Variants in RMDN2 observed in about 807,000 individuals in gnomAD.
RMDN2 encodes the protein regulator of microtubule dynamics protein 2.
Under a neutral mutation model 52.8 loss-of-function variants are expected in RMDN2, and 61 were observed. The observed-to-expected ratio is 1.16, with a 90% CI of 0.94 to 1.43. The LOEUF is 1.43. RMDN2 is among the 40% of genes most tolerant of loss of function. The pLI, the probability that RMDN2 is intolerant of heterozygous loss-of-function variation, is 0.00. For synonymous variants in RMDN2, 180 were observed against 153.1 expected (o/e 1.18, Z -1.30); for missense variants, 592 against 475.3 (o/e 1.25, Z -2.28).
intron 5 of RMDN2, among the ~76,000 whole-genome samples, chr2:37,982,211 A>G (rs1673412150): frequency 6.6e-6 from 1 of 152,144 alleles, no homozygotes. Context: ...CAGAAGACTC[A>G]TTTTTGCCCC....
At chr2:37,943,301 A>G (rs1461984353) in intron 2 of RMDN2, among the ~76,000 whole-genome samples, 1 of 152,216 alleles carries the variant, frequency 6.6e-6, no homozygotes, top group African/African-American at 2.4e-5. Flanking sequence ...TGACTGGTCA[A>G]AGCAATGAGC....
intron 10 of RMDN2, chr2:38,032,976 T>C (rs1558574509): frequency 6.6e-6 from 1 of 152,246 alleles, no homozygotes. Context: ...ATTAGCTTTA[T>C]AATAAACTGC....
In RMDN2 at chr2:37,979,800, T is replaced by C. The variant is rs558279349; in HGVS notation, c.731-1483T>C. Among the ~76,000 whole-genome samples the C allele has an allele frequency of 2.6e-5, 4 of 152,354 alleles. No individual in the cohort carries two copies. The East Asian group carries it at 7.7e-4, about 29-fold the overall frequency. On this transcript the variant is annotated intron_variant, in intron 4 of 10. Transcript: ENST00000354545. ...TGATGGAATCACTTCTATTTCAGGC[T>C]TCTGGCAGTACGCTGAAAGTTTTAT...
chr2:38,047,309 T>C (rs1681332358), intron 10 of RMDN2, among the ~76,000 whole-genome samples: 1 of 152,208 alleles, frequency 6.6e-6, no homozygotes, highest in Non-Finnish European at 1.5e-5. Context: ...CGTATAAAGA[T>C]TTGTATGTGA....
Position 37,991,304 on chromosome 2 carries a change from TG to T in RMDN2, c.945+8del. ...AGGGAGATACTGCTATACTGTAAGT[TG>T]AATGCCTTTATTTATAAACTTTATT... On this transcript the variant is annotated splice_region_variant and intron_variant, in intron 7 of 10. Coordinates refer to ENST00000354545, the MANE Select transcript of RMDN2 (RefSeq NM_001170791.3). 1 of 1,390,400 alleles carries T rather than the reference TG, an allele frequency of 7.2e-7. No homozygotes were observed. The highest frequency in any genetic ancestry group is 9.8e-7 in the Non-Finnish European group (1 of 1,025,046). The allele number at this position is 1,390,400 out of a possible 1,614,324, so 86.1% of individuals were successfully genotyped here.
chr2:37,941,789 T>G (rs992053437), intron 2 of RMDN2, among the ~76,000 whole-genome samples: 18 of 152,180 alleles, frequency 1.2e-4, no homozygotes, highest in African/African-American at 4.3e-4. Flanking sequence ...TGCTGTGCTG[T>G]CAGCGAGAAT....
intron 10 of RMDN2, among the ~76,000 whole-genome samples, chr2:38,049,184 G>C (rs1011783570): frequency 4.6e-5 from 7 of 152,178 alleles, no homozygotes; most frequent in Non-Finnish European, 8.8e-5. Flanking sequence ...GCCTAGGATG[G>C]AGCAAGTCAG....
At chr2:38,003,600 A>G (rs1021287978) in intron 8 of RMDN2, among the ~76,000 whole-genome samples, 6 of 150,750 alleles carry the variant, frequency 4.0e-5, no homozygotes, top group Non-Finnish European at 7.4e-5. Flanking sequence ...AGATAGATAG[A>G]TAGGCAGACA....
intron 5 of RMDN2, among the ~76,000 whole-genome samples, chr2:37,983,981 T>G (rs1673660396): frequency 6.6e-6 from 1 of 152,176 alleles, no homozygotes; most frequent in African/African-American, 2.4e-5. Context: ...AAGTCTAAAA[T>G]GTTTACTATC....
chr2:38,058,871 C>T (rs945266700), intron 10 of RMDN2, among the ~76,000 whole-genome samples: 1 of 152,170 alleles, frequency 6.6e-6, no homozygotes, highest in Non-Finnish European at 1.5e-5. Flanking sequence ...AGCACATTAT[C>T]TGAAACTACC....
At chr2:38,052,713 T>G (rs1681674121) in intron 10 of RMDN2, among the ~76,000 whole-genome samples, 1 of 152,224 alleles carries the variant, frequency 6.6e-6, no homozygotes, top group Non-Finnish European at 1.5e-5. Context: ...ACAACTTGTC[T>G]TTTTACTGCC....
downstream of RMDN2, among the ~76,000 whole-genome samples, chr2:38,017,913 C>CA (rs1679022612): frequency 6.6e-6 from 1 of 151,980 alleles, no homozygotes; most frequent in South Asian, 2.1e-4. Flanking sequence ...AGATTACAGT[C>CA]AAAGGGCCTT....
At chr2:37,944,332 CAAAAA>C (rs55892088) in intron 2 of RMDN2, among the ~76,000 whole-genome samples, 2 of 135,312 alleles carry the variant, frequency 1.5e-5, no homozygotes, top group Non-Finnish European at 1.6e-5. Flanking sequence ...CAGCCAATCT[CAAAAA>C]AAAAAAAAAA....
At chr2:37,995,024 CTT>C (rs1360042987) in intron 7 of RMDN2, among the ~76,000 whole-genome samples, 2 of 152,060 alleles carry the variant, frequency 1.3e-5, no homozygotes, top group African/African-American at 4.8e-5. Context: ...TATGAGAGAA[CTT>C]TTTAGGATGA....
rs147520021 is a variant in RMDN2, at chr2:38,060,868, G to A, written c.1714-6114G>A. Among the ~76,000 whole-genome samples, 357 of 152,290 alleles carry A rather than the reference G, an allele frequency of 2.3e-3. 2 individuals are homozygous for A. Among genetic ancestry groups the A allele is most frequent in the African/African-American group, 8.3e-3 (347 of 41,566 alleles). ...TGGGAGATCCCCCCAAACAGAACAC[G>A]AGGCTGCCTGCTTTTCTCAGCAACC... On this transcript the variant is annotated intron_variant, in intron 10 of 10. Coordinates refer to the RMDN2 transcript ENST00000234195.
At chr2:37,935,674 C>G (rs529230307) in intron 2 of RMDN2, among the ~76,000 whole-genome samples, 2 of 152,274 alleles carry the variant, frequency 1.3e-5, no homozygotes, top group South Asian at 4.1e-4. Flanking sequence ...TTTATATAAA[C>G]AAGACATAAA....
intron 2 of RMDN2, among the ~76,000 whole-genome samples, chr2:37,933,300 G>A (rs1448703749): frequency 1.2e-4 from 18 of 152,040 alleles, no homozygotes; most frequent in Middle Eastern, 3.4e-3. Context: ...GGGCAGCCAG[G>A]CAGAGGGGCT....
At chr2:37,943,114 G>A (rs139776609) in intron 2 of RMDN2, among the ~76,000 whole-genome samples, 19 of 152,336 alleles carry the variant, frequency 1.2e-4, no homozygotes, top group African/African-American at 3.1e-4. Context: ...CTGGAAAGCC[G>A]TTCGCGTTCT....
In RMDN2 at chr2:38,017,284, A is replaced by G. The variant is rs1392668551; in HGVS notation, c.*45A>G. On this transcript the variant is annotated 3_prime_UTR_variant, in exon 11 of 11. Coordinates refer to ENST00000354545, the MANE Select transcript of RMDN2 (RefSeq NM_001170791.3). ...AACAAATCAGATGTGGTCTACCAAA[A>G]TTTAAATGAATCAAAGTTGTGCTTT... 1 of 1,478,008 alleles carries G rather than the reference A, an allele frequency of 6.8e-7. No homozygotes were observed. The highest frequency in any genetic ancestry group is 1.4e-5 in the South Asian group (1 of 70,658). The allele number at this position is 1,478,008 out of a possible 1,614,324, so 91.6% of individuals were successfully genotyped here.
Sources: gnomAD v4.1 joint callset for allele counts (sites outside exome capture counted in the v4.1 genomes callset) on GRCh38, gnomAD v4.1.1 for gene constraint, MANE v1.5 for transcripts, NCBI Gene and HGNC (gene_info 2026-07-23, HGNC 2026-07-21) for gene names.